Variants in FAT3 observed in about 807,000 individuals in gnomAD.
FAT3 encodes the protein protocadherin Fat 3.
Under a neutral mutation model 310.2 loss-of-function variants are expected in FAT3, and 95 were observed. The ratio of observed to expected loss-of-function variants is 0.31; its 90% CI spans 0.26 to 0.36. FAT3 has a LOEUF of 0.36. FAT3 is among the 10% of genes least tolerant of loss of function. The pLI is 1.00. For synonymous variants in FAT3, 2,314 were observed against 2,192.9 expected (o/e 1.06, Z -1.54); for missense variants, 5,408 against 5,715.6 (o/e 0.95, Z 1.74).
At chr11:92,849,501 C>T (rs1287689250) in intron 19 of FAT3, among the ~76,000 whole-genome samples, 4 of 152,194 alleles carry the variant, frequency 2.6e-5, no homozygotes, top group Admixed American at 2.0e-4. Flanking sequence ...ACAAGCTGCC[C>T]TCTGGATAAC....
At chr11:92,699,173 T>C (rs959452576) in intron 4 of FAT3, among the ~76,000 whole-genome samples, 1 of 152,190 alleles carries the variant, frequency 6.6e-6, no homozygotes, top group Admixed American at 6.5e-5. Context: ...TTAGTACAAG[T>C]TGAGTCTCCA....
chr11:92,382,392 T>C (rs1287337731), intron 2 of FAT3, among the ~76,000 whole-genome samples: 2 of 152,160 alleles, frequency 1.3e-5, no homozygotes, highest in Non-Finnish European at 2.9e-5. Context: ...TTTCATTTGG[T>C]AAATCTGGTT....
At chr11:92,287,618 T>G (rs2134383779) in intron 1 of FAT3, among the ~76,000 whole-genome samples, 1 of 152,280 alleles carries the variant, frequency 6.6e-6, no homozygotes, top group Non-Finnish European at 1.5e-5. Flanking sequence ...TCAAATCTAT[T>G]TCATGTTTCT....
rs1156666850 is a variant in FAT3 at position 92,512,554 on chromosome 11, T to G, written c.3293-12080T>G. Among the ~76,000 whole-genome samples the G allele has an allele frequency of 2.7e-5, 4 of 147,182 alleles. No individual in the cohort carries two copies. The East Asian group carries it at 7.8e-4, about 29-fold the overall frequency. ...AAATTATATTTTAAATTTATATATATAAATATATATAAATTATATTTTAAA... is the reference window on the plus strand; with the variant it reads ...AAATTATATTTTAAATTTATATATAGAAATATATATAAATTATATTTTAAA... On this transcript the variant is annotated intron_variant, in intron 2 of 27. Coordinates refer to ENST00000525166, the MANE Select transcript of FAT3 (RefSeq NM_001367949.2).
At chr11:92,679,478 T>A (rs1007414783) in intron 3 of FAT3, among the ~76,000 whole-genome samples, 1 of 152,148 alleles carries the variant, frequency 6.6e-6, no homozygotes, top group Non-Finnish European at 1.5e-5. Context: ...TTTTTGTTTT[T>A]TTAATAATAG....
At chr11:92,585,838 T>C (rs60343238) in intron 3 of FAT3, among the ~76,000 whole-genome samples, 48,553 of 149,878 alleles carry the variant, frequency 0.32, 7,878 homozygotes, top group Non-Finnish European at 0.34. Flanking sequence ...GTTTTTTTTT[T>C]CCCCATTAAA....
At chr11:92,523,349 A>G (rs560706177) in intron 2 of FAT3, among the ~76,000 whole-genome samples, 33 of 152,296 alleles carry the variant, frequency 2.2e-4, no homozygotes, top group Non-Finnish European at 3.2e-4. Flanking sequence ...ATGGCCTACC[A>G]CTATGCAGAG....
chr11:92,622,754 G>A (rs547732790), intron 3 of FAT3, among the ~76,000 whole-genome samples: 3 of 152,258 alleles, frequency 2.0e-5, no homozygotes, highest in South Asian at 2.1e-4. Flanking sequence ...GTTCTCATTT[G>A]TGCTCTAGTA....
At chr11:92,762,248 C>G in intron 5 of FAT3, 78 bp downstream of exon 5, 1 of 1,390,456 alleles carries the variant, frequency 7.2e-7, no homozygotes, top group Non-Finnish European at 9.8e-7. Context: ...CTCCTTTGAG[C>G]AATAAATCTT....
At chr11:92,604,668 C>T (rs1201727757) in intron 3 of FAT3, among the ~76,000 whole-genome samples, 2 of 152,202 alleles carry the variant, frequency 1.3e-5, no homozygotes, top group African/African-American at 2.4e-5. Flanking sequence ...TCACTTTGCC[C>T]TGTATATACC....
At chr11:92,736,973 C>T (rs184153351) in intron 4 of FAT3, among the ~76,000 whole-genome samples, 14 of 152,146 alleles carry the variant, frequency 9.2e-5, no homozygotes, top group Admixed American at 3.3e-4. Context: ...CACAACGGAA[C>T]GTGGTTAAGG....
chr11:92,800,075 T>C lies in FAT3; in HGVS notation c.7062T>C (p.His2354=), dbSNP rs1947291939. ...TCCTGACAGCACGAATGCTGGACCA[T>C]GAGTTAGTACAACACTGCACTTTGA... The part of the protein sequence containing the change: ...GLILTARMLD[H]ELVQHCTLKV... Residue 2354 remains histidine, a synonymous_variant, in exon 10 of 28, where the codon CAT becomes CAC. Transcript: ENST00000525166. 6.2e-7 allele frequency: 1 copy of C among 1,613,346 alleles called. No individual in the cohort carries two copies. Among genetic ancestry groups the C allele is most frequent in the African/African-American group, 1.3e-5 (1 of 74,924 alleles).
At chr11:92,531,248 T>C (rs1176863193) in intron 3 of FAT3, among the ~76,000 whole-genome samples, 1 of 152,154 alleles carries the variant, frequency 6.6e-6, no homozygotes. Flanking sequence ...CTTATGCAGA[T>C]TTATCACGGG....
intron 3 of FAT3, among the ~76,000 whole-genome samples, chr11:92,587,693 C>T (rs1395072118): frequency 2.0e-5 from 3 of 151,946 alleles, no homozygotes; most frequent in Admixed American, 6.6e-5. Flanking sequence ...TTCTCATCCT[C>T]AGGGTGGTTT....
At chr11:92,641,406 T>C (rs1941958454) in intron 3 of FAT3, among the ~76,000 whole-genome samples, 1 of 152,218 alleles carries the variant, frequency 6.6e-6, no homozygotes, top group African/African-American at 2.4e-5. Flanking sequence ...CAGGCATTTA[T>C]TCTCTCACAG....
At chr11:92,326,369 T>G (rs1047423696) in intron 1 of FAT3, among the ~76,000 whole-genome samples, 6 of 152,244 alleles carry the variant, frequency 3.9e-5, no homozygotes, top group African/African-American at 1.2e-4. Flanking sequence ...TTGTGCAAGC[T>G]GCTTTCTGAA....
At chr11:92,522,401 A>G (rs683551) in intron 2 of FAT3, among the ~76,000 whole-genome samples, 95,475 of 152,002 alleles carry the variant, frequency 0.63, 30,827 homozygotes, top group African/African-American at 0.79. Context: ...TTAATGTCAT[A>G]TTGACAATTG....
chr11:92,338,900 T>C lies in FAT3; in HGVS notation c.-17-13196T>C, dbSNP rs142805158. ...CCTCAGAACCCAGTCAGGTTTACATTGTAGGGATGGAAGTCATCCCAGCTC... is the reference window on the plus strand; with the variant it reads ...CCTCAGAACCCAGTCAGGTTTACATCGTAGGGATGGAAGTCATCCCAGCTC... On this transcript the variant is annotated intron_variant, in intron 1 of 27. Coordinates refer to ENST00000525166, the MANE Select transcript of FAT3 (RefSeq NM_001367949.2). Among the ~76,000 whole-genome samples, 1,238 of 152,146 alleles carry C rather than the reference T, an allele frequency of 8.1e-3. 25 individuals carry two copies. The highest frequency in any genetic ancestry group is 0.029 in the African/African-American group (1,186 of 41,494).
chr11:92,733,976 G>T (rs777134689), intron 4 of FAT3, among the ~76,000 whole-genome samples: 1 of 152,160 alleles, frequency 6.6e-6, no homozygotes, highest in Non-Finnish European at 1.5e-5. Context: ...TTGCTGCAAA[G>T]CATCTGTTTA....
Sources: allele counts gnomAD v4.1 joint callset (sites outside exome capture counted in the v4.1 genomes callset), GRCh38; gene constraint gnomAD v4.1.1; transcripts MANE v1.5; gene names NCBI Gene and HGNC (gene_info 2026-07-23, HGNC 2026-07-21).